The following AFF3 variants were observed in gnomAD, a reference collection of about 807,000 sequenced individuals.
The protein encoded by AFF3 is ALF transcription elongation factor 3, also known as AF4/FMR2 family member 3.
Under a neutral mutation model 129.7 loss-of-function variants are expected in AFF3, and 32 were observed. The ratio of observed to expected loss-of-function variants is 0.25; its 90% CI spans 0.19 to 0.33. The LOEUF (loss-of-function observed/expected upper bound fraction) is 0.33, where lower values mean the gene tolerates loss of function less well. AFF3 is among the 10% of genes least tolerant of loss of function. AFF3 has a pLI of 1.00. For missense variants in AFF3, 1,373 were observed against 1,592.0 expected, an observed-to-expected ratio of 0.86 and a Z score of 2.34; for synonymous variants, 644 against 635.4, an observed-to-expected ratio of 1.01 and a Z score of -0.20.
At chr2:99,784,884 A>G (rs945015343) in intron 8 of AFF3, among the ~76,000 whole-genome samples, 3 of 152,194 alleles carry the variant, frequency 2.0e-5, no homozygotes, top group Non-Finnish European at 4.4e-5. Context: ...AAAACTCATG[A>G]TAACCTGATC....
intron 7 of AFF3, among the ~76,000 whole-genome samples, chr2:99,943,702 T>C (rs764456748): frequency 4.6e-5 from 7 of 152,196 alleles, no homozygotes; most frequent in Non-Finnish European, 1.5e-5. Flanking sequence ...TTCTAGTGAA[T>C]TCTGCTTGTT....
intron 7 of AFF3, among the ~76,000 whole-genome samples, chr2:99,991,606 C>A (rs11883471): frequency 0.083 from 12,655 of 152,040 alleles, 1,490 homozygotes; most frequent in African/African-American, 0.26. Flanking sequence ...ACCTTCAGAA[C>A]CTTATCACAA....
At position 99,964,108 on chromosome 2, in the gene AFF3, C is replaced by T. The variant is rs1015544519; in HGVS notation, c.873+42524G>A. Among the ~76,000 whole-genome samples the T allele has an allele frequency of 1.1e-4, 17 of 151,928 alleles. No individual in the cohort carries two copies. In the East Asian group the frequency reaches 2.7e-3, roughly 24 times the overall value. On this transcript the variant is annotated intron_variant, in intron 7 of 24. Coordinates refer to ENST00000672756, the MANE Select transcript of AFF3 (RefSeq NM_001386135.1). ...AAAGTATATGCACCAAACAACAGGGCCTCAAAAATTGATACAGCTGAAATG... is the reference window on the plus strand; with the variant it reads ...AAAGTATATGCACCAAACAACAGGGTCTCAAAAATTGATACAGCTGAAATG...
At chr2:99,875,926 G>A (rs908013397) in intron 7 of AFF3, among the ~76,000 whole-genome samples, 9 of 152,140 alleles carry the variant, frequency 5.9e-5, no homozygotes, top group Admixed American at 3.9e-4. Flanking sequence ...AATCCAACAG[G>A]CTTTTCCATC....
intron 4 of AFF3, among the ~76,000 whole-genome samples, chr2:100,051,270 T>TA (rs1193938830): frequency 6.6e-6 from 1 of 151,954 alleles, no homozygotes; most frequent in Non-Finnish European, 1.5e-5. Context: ...ATAAGGGAGG[T>TA]AAAAAGTATT....
chr2:99,984,982 A>T (rs1287553085), intron 7 of AFF3, among the ~76,000 whole-genome samples: 3 of 152,154 alleles, frequency 2.0e-5, no homozygotes. Context: ...AAAATGAGTA[A>T]ATCAGGCAAC....
intron 10 of AFF3, among the ~76,000 whole-genome samples, chr2:99,738,769 A>T (rs568203409): frequency 6.6e-6 from 1 of 152,252 alleles, no homozygotes; most frequent in East Asian, 1.9e-4. Context: ...GGATTCATTT[A>T]GGGCTCAAGA....
At chr2:99,997,617 C>T (rs971633043) in intron 7 of AFF3, among the ~76,000 whole-genome samples, 5 of 152,144 alleles carry the variant, frequency 3.3e-5, no homozygotes, top group African/African-American at 1.2e-4. Flanking sequence ...GCTCCAAACC[C>T]TTCAATGGCT....
At chr2:100,064,731 G>A (rs1354480308) in intron 4 of AFF3, among the ~76,000 whole-genome samples, 2 of 152,154 alleles carry the variant, frequency 1.3e-5, no homozygotes, top group African/African-American at 4.8e-5. Context: ...AAAATACATC[G>A]TCATGCAGCG....
intron 7 of AFF3, among the ~76,000 whole-genome samples, chr2:99,893,764 A>T (rs2106098837): frequency 6.6e-6 from 1 of 152,364 alleles, no homozygotes; most frequent in East Asian, 1.9e-4. Flanking sequence ...ATAAATTGAG[A>T]GGGGCTAGAC....
intron 11 of AFF3, among the ~76,000 whole-genome samples, chr2:99,722,211 G>A (rs1271101392): frequency 1.3e-5 from 2 of 152,098 alleles, no homozygotes; most frequent in African/African-American, 4.8e-5. Flanking sequence ...ATTCTTGTCT[G>A]AAAATTCTAA....
chr2:99,722,524 C>T (rs943885732), intron 11 of AFF3, among the ~76,000 whole-genome samples: 2 of 152,118 alleles, frequency 1.3e-5, no homozygotes, highest in Admixed American at 1.3e-4. Context: ...GCACACACCC[C>T]TTCTGGGGTT....
At chr2:99,768,105 CAT>C (rs1683170267) in intron 8 of AFF3, among the ~76,000 whole-genome samples, 1 of 152,158 alleles carries the variant, frequency 6.6e-6, no homozygotes, top group South Asian at 2.1e-4. Flanking sequence ...TTCTTAATTT[CAT>C]ATGTGATCCC....
intron 12 of AFF3, among the ~76,000 whole-genome samples, chr2:99,650,696 A>G (rs1316985176): frequency 6.6e-6 from 1 of 152,096 alleles, no homozygotes; most frequent in Non-Finnish European, 1.5e-5. Flanking sequence ...GCAGGTTCTT[A>G]TATTATTCTG....
At chr2:99,847,262 G>A (rs1378038831) in intron 7 of AFF3, among the ~76,000 whole-genome samples, 1 of 151,726 alleles carries the variant, frequency 6.6e-6, no homozygotes. Flanking sequence ...TGCAACCTCC[G>A]CCTCCTGGGT....
intron 13 of AFF3, among the ~76,000 whole-genome samples, chr2:99,640,272 C>T (rs1455909764): frequency 1.3e-5 from 2 of 152,062 alleles, no homozygotes; most frequent in African/African-American, 4.8e-5. Context: ...ACTCTGTTAT[C>T]TTCTTCTCTT....
chr2:99,649,612 A>T lies in AFF3; in HGVS notation c.1184+14T>A. 6.2e-7 allele frequency: 1 copy of T among 1,612,830 alleles called. No homozygotes were observed. Among genetic ancestry groups the T allele is most frequent in the Non-Finnish European group, 8.5e-7 (1 of 1,179,564 alleles). On this transcript the variant is annotated intron_variant, in intron 13 of 24. Coordinates refer to ENST00000672756, the MANE Select transcript of AFF3 (RefSeq NM_001386135.1). ...ATAAAGCAATTTATAGTTCATAAAA[A>T]TGACAAAATGTACCTGTCAGAGAGA...
chr2:99,618,974 T>C (rs1045790623), intron 13 of AFF3, among the ~76,000 whole-genome samples: 7 of 152,166 alleles, frequency 4.6e-5, no homozygotes, highest in Non-Finnish European at 8.8e-5. Context: ...CTAGAACTCC[T>C]GGCCTCAAAC....
At chr2:99,760,169 C>T (rs1311024679) in intron 8 of AFF3, among the ~76,000 whole-genome samples, 1 of 152,138 alleles carries the variant, frequency 6.6e-6, no homozygotes, top group African/African-American at 2.4e-5. Flanking sequence ...TCACTCTGAG[C>T]TTTAGTTGTT....
Sources: gnomAD v4.1 joint callset for allele counts (sites outside exome capture counted in the v4.1 genomes callset) on GRCh38, gnomAD v4.1.1 for gene constraint, MANE v1.5 for transcripts, NCBI Gene and HGNC (gene_info 2026-07-23, HGNC 2026-07-21) for gene names.